TSC22D3: variants seen among roughly 807,000 people sequenced by gnomAD.
TSC22D3 encodes TSC22 domain family protein 3.
Under a neutral mutation model 11.1 loss-of-function variants are expected in TSC22D3, and 4 were observed. That is an observed-to-expected ratio of 0.36 (90% CI 0.18 to 0.83). The LOEUF is 0.83. TSC22D3 is among the 40% of genes least tolerant of loss of function. The pLI is 0.48. For missense variants in TSC22D3, 118 were observed against 159.4 expected (o/e 0.74, Z 1.40); for synonymous variants, 77 against 70.3 (o/e 1.10, Z -0.48).
intron 1 of TSC22D3, among the ~76,000 whole-genome samples, chrX:107,748,555 C>T (rs745625212): frequency 8.9e-6 from 1 of 111,746 alleles, no homozygotes; most frequent in South Asian, 3.7e-4. Context: ...GTGGGATCTT[C>T]CTCCCTTCTG....
chrX:107,773,378 G>A (rs1286393369), intron 1 of TSC22D3, among the ~76,000 whole-genome samples: 1 of 111,513 alleles, frequency 9.0e-6, no homozygotes, highest in Non-Finnish European at 1.9e-5. Flanking sequence ...TTGAACAAAT[G>A]CAAATGCTAC....
At chrX:107,736,033 G>A (rs889883638) in intron 1 of TSC22D3, among the ~76,000 whole-genome samples, 2 of 111,859 alleles carry the variant, frequency 1.8e-5, no homozygotes, top group African/African-American at 6.5e-5. Flanking sequence ...CTCTAACCAG[G>A]CCTGTGTAAT....
chrX:107,724,018 G>T (rs1184853504), intron 1 of TSC22D3, among the ~76,000 whole-genome samples: 4 of 112,645 alleles, frequency 3.6e-5, no homozygotes, highest in Admixed American at 9.3e-5. Flanking sequence ...TAAGCACTGT[G>T]AGCCTCCTAG....
At chrX:107,767,469 A>C (rs1309088091) in intron 1 of TSC22D3, among the ~76,000 whole-genome samples, 2 of 111,631 alleles carry the variant, frequency 1.8e-5, no homozygotes, top group Non-Finnish European at 3.8e-5. Context: ...CAGTTTCCAG[A>C]AGGGCCACAG....
At chrX:107,772,824 C>T (rs1316572824) in intron 1 of TSC22D3, among the ~76,000 whole-genome samples, 1 of 111,525 alleles carries the variant, frequency 9.0e-6, no homozygotes, top group African/African-American at 3.3e-5. Flanking sequence ...GCACTCCAGC[C>T]TGGGTGACAG....
chrX:107,758,228 CTT>C (rs1336986308), intron 1 of TSC22D3, among the ~76,000 whole-genome samples: 1 of 110,321 alleles, frequency 9.1e-6, no homozygotes, highest in Non-Finnish European at 1.9e-5. Flanking sequence ...CACCATCACA[CTT>C]TGCCCAGCAG....
At chrX:107,738,825 C>T (rs1382097373) in intron 1 of TSC22D3, among the ~76,000 whole-genome samples, 1 of 112,543 alleles carries the variant, frequency 8.9e-6, no homozygotes, top group Non-Finnish European at 1.9e-5. Flanking sequence ...TGGGGTCCCC[C>T]CACCCCCACC....
chrX:107,752,740 A>G (rs1222413002), intron 1 of TSC22D3, among the ~76,000 whole-genome samples: 1 of 111,337 alleles, frequency 9.0e-6, no homozygotes, highest in Non-Finnish European at 1.9e-5. Flanking sequence ...ACTGCTGCCC[A>G]GTTTAGATTC....
intron 1 of TSC22D3, among the ~76,000 whole-genome samples, chrX:107,766,296 G>A (rs944767881): frequency 2.7e-5 from 3 of 111,993 alleles, no homozygotes; most frequent in African/African-American, 9.7e-5. Context: ...AGGCCAGGCA[G>A]AGAGCTAAGA....
intron 1 of TSC22D3, among the ~76,000 whole-genome samples, chrX:107,770,252 A>G (rs1929848907): frequency 8.9e-6 from 1 of 112,122 alleles, no homozygotes. Flanking sequence ...TGGACAGAGA[A>G]CTGAATCTTA....
At chrX:107,750,490 C>T (rs769936372) in intron 1 of TSC22D3, among the ~76,000 whole-genome samples, 45 of 111,278 alleles carry the variant, frequency 4.0e-4, no homozygotes, top group Non-Finnish European at 7.0e-4. Context: ...GAAGGCAAAG[C>T]GAGGACGGCG....
At chrX:107,748,396 G>A (rs1602397983) in intron 1 of TSC22D3, among the ~76,000 whole-genome samples, 1 of 111,806 alleles carries the variant, frequency 8.9e-6, no homozygotes, top group Non-Finnish European at 1.9e-5. Context: ...GTGGGGATGA[G>A]ATAAGGTAGG....
chrX:107,751,510 A>G (rs1928931923), intron 1 of TSC22D3, among the ~76,000 whole-genome samples: 1 of 112,157 alleles, frequency 8.9e-6, no homozygotes, highest in Admixed American at 9.4e-5. Flanking sequence ...CCTCCCTTTA[A>G]CCGAGAATGG....
At chrX:107,751,621 A>G (rs775943688) in intron 1 of TSC22D3, among the ~76,000 whole-genome samples, 2 of 112,175 alleles carry the variant, frequency 1.8e-5, no homozygotes, top group East Asian at 5.6e-4. Flanking sequence ...TTTCTTCCCT[A>G]CATCTTCCGT....
At chrX:107,748,301 C>T (rs770903913) in intron 1 of TSC22D3, among the ~76,000 whole-genome samples, 11 of 111,860 alleles carry the variant, frequency 9.8e-5, no homozygotes, top group Non-Finnish European at 2.1e-4. Context: ...TCTCTATGAG[C>T]CTTTCCAATT....
intron 1 of TSC22D3, among the ~76,000 whole-genome samples, chrX:107,728,370 GC>G (rs1276829617): frequency 8.9e-6 from 1 of 112,647 alleles, no homozygotes; most frequent in Non-Finnish European, 1.9e-5. Flanking sequence ...TGAGTAAGTG[GC>G]CGCTAATGAC....
At chrX:107,721,939 TTC>T (rs1319491762) in intron 1 of TSC22D3, 3 of 496,520 alleles carry the variant, frequency 6.0e-6, no homozygotes, top group Non-Finnish European at 1.1e-5. Flanking sequence ...CTCGCTTATC[TTC>T]TCTCTTCCCT....
intron 1 of TSC22D3, among the ~76,000 whole-genome samples, chrX:107,772,842 C>T (rs1261783910): frequency 9.0e-6 from 1 of 111,235 alleles, no homozygotes; most frequent in Non-Finnish European, 1.9e-5. Flanking sequence ...CAGAGTGAGA[C>T]CCTGTCTCAG....
intron 1 of TSC22D3, among the ~76,000 whole-genome samples, chrX:107,772,944 C>T (rs917509812): frequency 8.9e-6 from 1 of 112,720 alleles, no homozygotes; most frequent in Non-Finnish European, 1.9e-5. Flanking sequence ...CCTGTTATTC[C>T]CAGCCTTAGC....
Sources: allele counts gnomAD v4.1 joint callset (sites outside exome capture counted in the v4.1 genomes callset), GRCh38; gene constraint gnomAD v4.1.1; transcripts MANE v1.5; gene names NCBI Gene and HGNC (gene_info 2026-07-23, HGNC 2026-07-21).